Variants in SOX6 observed in about 807,000 individuals in gnomAD.
The protein encoded by SOX6 is SRY-box transcription factor 6.
In SOX6, 11 loss-of-function variants were observed where a neutral mutation model predicts 97.8. The observed-to-expected ratio is 0.11, with a 90% CI of 0.07 to 0.19. SOX6 has a LOEUF of 0.19. SOX6 is among the 10% of genes least tolerant of loss of function. The probability of loss-of-function intolerance (pLI) is 1.00; values close to 1 mark genes in which losing one functional copy is unlikely to be tolerated. For synonymous variants in SOX6, 360 were observed against 371.4 expected (o/e 0.97, Z 0.35); for missense variants, 810 against 1,039.5 (o/e 0.78, Z 3.04).
chr11:16,514,939 T>C (rs967329370), intron 4 of SOX6, among the ~76,000 whole-genome samples: 3 of 151,966 alleles, frequency 2.0e-5, no homozygotes, highest in Admixed American at 6.6e-5. Flanking sequence ...CTTAATCCAG[T>C]CTATCATTGT....
rs1853240916 is a variant in SOX6, at chr11:15,969,428, A to G, written c.*3381T>C. ...ACTGTAGTGGAAATTTAGTATGTCCAATCATCAACTTTCTGTAAGAAAAAA... is the reference window on the plus strand; with the variant it reads ...ACTGTAGTGGAAATTTAGTATGTCCGATCATCAACTTTCTGTAAGAAAAAA... On this transcript the variant is annotated 3_prime_UTR_variant, in exon 16 of 16. Transcript: ENST00000683767. The G allele has an allele frequency of 6.6e-6, 1 of 152,200 alleles. No homozygotes were observed. Among genetic ancestry groups the G allele is most frequent in the Non-Finnish European group, 1.5e-5 (1 of 68,050 alleles). The allele number at this position is 152,200 out of a possible 1,614,324, so 9.4% of individuals were successfully genotyped here.
intron 6 of SOX6, among the ~76,000 whole-genome samples, chr11:16,165,531 T>C (rs976791255): frequency 6.6e-6 from 1 of 152,198 alleles, no homozygotes; most frequent in African/African-American, 2.4e-5. Flanking sequence ...ACTATTCCTT[T>C]CTGAAGTTTC....
intron 1 of SOX6, among the ~76,000 whole-genome samples, chr11:16,348,466 A>G (rs1038329239): frequency 9.2e-5 from 14 of 152,186 alleles, no homozygotes; most frequent in Non-Finnish European, 1.6e-4. Context: ...TCCCCAAAAA[A>G]GGAGTGCATT....
At chr11:16,419,324 G>T (rs1448967224) in intron 1 of SOX6, among the ~76,000 whole-genome samples, 1 of 151,954 alleles carries the variant, frequency 6.6e-6, no homozygotes, top group Non-Finnish European at 1.5e-5. Context: ...AATGAGTATG[G>T]TCTATACAAA....
intron 2 of SOX6, among the ~76,000 whole-genome samples, chr11:16,720,118 T>G (rs1848248915): frequency 6.6e-6 from 1 of 152,116 alleles, no homozygotes. Flanking sequence ...AAGCAACCAC[T>G]GTGGAAGTCA....
intron 6 of SOX6, among the ~76,000 whole-genome samples, chr11:16,129,025 ATTT>A (rs34756324): frequency 3.7e-4 from 44 of 119,224 alleles, no homozygotes; most frequent in African/African-American, 9.3e-4. Context: ...CATGCCTGGC[ATTT>A]TTTTTTTTTT....
intron 3 of SOX6, among the ~76,000 whole-genome samples, chr11:16,246,862 G>A (rs998441280): frequency 6.6e-6 from 1 of 152,084 alleles, no homozygotes; most frequent in Non-Finnish European, 1.5e-5. Flanking sequence ...TCAAATCAAG[G>A]TAACTTGGGT....
intron 4 of SOX6, among the ~76,000 whole-genome samples, chr11:16,199,334 A>G (rs950664447): frequency 3.9e-5 from 6 of 152,188 alleles, no homozygotes; most frequent in African/African-American, 1.4e-4. Flanking sequence ...TGATCGTCCA[A>G]ACACTTTCTA....
Position 16,720,718 on chromosome 11 carries a change from C to T in SOX6, n.354-5813G>A, listed in dbSNP as rs937204716. On this transcript the variant is annotated intron_variant and non_coding_transcript_variant, in intron 2 of 5. Transcript: ENST00000524520. ...TAATAATAAAAAAAAGAAAGATGCACACAAAAAGAAAAAAAAAGAAATACT... is the reference window on the plus strand; with the variant it reads ...TAATAATAAAAAAAAGAAAGATGCATACAAAAAGAAAAAAAAAGAAATACT... Among the ~76,000 whole-genome samples, 5 of 149,246 alleles carry T rather than the reference C, an allele frequency of 3.4e-5. No individual in the cohort carries two copies. The East Asian group carries it at 9.8e-4, about 29-fold the overall frequency.
At chr11:16,142,966 G>A in intron 6 of SOX6, among the ~76,000 whole-genome samples, 1 of 152,052 alleles carries the variant, frequency 6.6e-6, no homozygotes, top group Non-Finnish European at 1.5e-5. Flanking sequence ...ACCTAGCAAG[G>A]CAGGCCAACA....
At chr11:16,645,308 C>T (rs1218234663) in intron 3 of SOX6, among the ~76,000 whole-genome samples, 1 of 152,214 alleles carries the variant, frequency 6.6e-6, no homozygotes, top group Non-Finnish European at 1.5e-5. Context: ...TGTTTCACCA[C>T]TACAAAACAT....
At chr11:16,388,873 T>C (rs1431639066) in intron 1 of SOX6, among the ~76,000 whole-genome samples, 2 of 152,218 alleles carry the variant, frequency 1.3e-5, no homozygotes, top group African/African-American at 4.8e-5. Flanking sequence ...GCTTGGAGTT[T>C]GCTGAACTTC....
At chr11:16,713,248 A>G (rs1466560632) in intron 3 of SOX6, among the ~76,000 whole-genome samples, 4 of 152,176 alleles carry the variant, frequency 2.6e-5, no homozygotes, top group African/African-American at 7.2e-5. Context: ...GCATTTACAA[A>G]CTAATAAAAA....
chr11:16,387,313 G>A (rs1858018401), intron 1 of SOX6, among the ~76,000 whole-genome samples: 1 of 151,928 alleles, frequency 6.6e-6, no homozygotes, highest in African/African-American at 2.4e-5. Context: ...ATATTGCATT[G>A]TGGCATTGAA....
At chr11:16,043,470 G>A (rs930962137) in intron 12 of SOX6, among the ~76,000 whole-genome samples, 1 of 152,134 alleles carries the variant, frequency 6.6e-6, no homozygotes, top group Non-Finnish European at 1.5e-5. Context: ...CTCCACTGGT[G>A]CCGTGCTGGC....
chr11:15,972,915 A>G lies in SOX6; in HGVS notation c.2381T>C (p.Met794Thr), dbSNP rs141840765. Residue 794 changes from methionine (M) to threonine (T), a missense_variant, in exon 16 of 16, where the codon ATG becomes ACG. Transcript: ENST00000683767. ...TDGGSLAGNEMINGEDEMEMY... is the reference protein window; with the variant it reads ...TDGGSLAGNETINGEDEMEMY... The stretch of plus-strand genomic sequence containing the variant: ...TTCCATTTCATCCTCTCCATTGATC[A>G]TTTCATTTCCAGCTAGGCTTCCGCC... The G allele has an allele frequency of 6.8e-6, 11 of 1,614,178 alleles. No individual in the cohort carries two copies. Among genetic ancestry groups the G allele is most frequent in the Non-Finnish European group, 9.3e-6 (11 of 1,180,036 alleles).
intron 3 of SOX6, among the ~76,000 whole-genome samples, chr11:16,260,893 C>T (rs1361538304): frequency 2.0e-5 from 3 of 152,088 alleles, no homozygotes. Context: ...ACTACACAGT[C>T]TTATTGTACT....
At chr11:16,631,589 G>A (rs1215710759) in intron 3 of SOX6, among the ~76,000 whole-genome samples, 1 of 152,148 alleles carries the variant, frequency 6.6e-6, no homozygotes, top group Non-Finnish European at 1.5e-5. Flanking sequence ...TATTAGGCAG[G>A]TGTTCTCTGG....
At chr11:16,250,431 A>C (rs1394256399) in intron 3 of SOX6, among the ~76,000 whole-genome samples, 2 of 152,174 alleles carry the variant, frequency 1.3e-5, no homozygotes, top group African/African-American at 4.8e-5. Flanking sequence ...AAAGAAAGAT[A>C]GTAAAAAGCG....
Sources: allele counts gnomAD v4.1 joint callset (sites outside exome capture counted in the v4.1 genomes callset), GRCh38; gene constraint gnomAD v4.1.1; transcripts MANE v1.5; gene names NCBI Gene and HGNC (gene_info 2026-07-23, HGNC 2026-07-21).